Variants in PTGR1 observed in about 807,000 individuals in gnomAD.
PTGR1 encodes the protein 15-oxoprostaglandin 13-reductase.
PTGR1 carries 23 observed loss-of-function variants against 37.7 expected under a neutral mutation model. The observed-to-expected ratio is 0.61, with a 90% confidence interval of 0.44 to 0.86. The LOEUF is 0.86. PTGR1 is among the 40% of genes least tolerant of loss of function. The pLI is 0.00. For missense variants in PTGR1, 351 were observed against 394.3 expected (o/e 0.89, Z 0.93); for synonymous variants, 134 against 140.0 (o/e 0.96, Z 0.30).
chr9:111,555,961 A>C (rs117546821), intron 9 of PTGR1, among the ~76,000 whole-genome samples: 5,481 of 152,318 alleles, frequency 0.036, 167 homozygotes, highest in East Asian at 0.087. Flanking sequence ...TTAACTCAAA[A>C]GTCCAAGTCC....
At chr9:111,583,836 C>A (rs903070740) in intron 5 of PTGR1, among the ~76,000 whole-genome samples, 2 of 152,158 alleles carry the variant, frequency 1.3e-5, no homozygotes, top group African/African-American at 2.4e-5. Flanking sequence ...GTATCCTGTC[C>A]ATTCACAGGC....
intron 9 of PTGR1, 54 bp from the exon 10 acceptor site, chr9:111,563,285 T>C (rs919577950): frequency 1.5e-5 from 23 of 1,514,746 alleles, no homozygotes; most frequent in Non-Finnish European, 2.0e-5. Context: ...CTCAATGATA[T>C]ACTGTTCTCA....
downstream of PTGR1, among the ~76,000 whole-genome samples, chr9:111,559,437 C>T (rs187889015): frequency 2.7e-4 from 41 of 152,136 alleles, no homozygotes; most frequent in African/African-American, 8.7e-4. Flanking sequence ...CCTACCCACA[C>T]GGATGACTTC....
intron 8 of PTGR1, 114 bp from the exon 9 acceptor site, chr9:111,570,323 C>T: frequency 6.9e-7 from 1 of 1,444,208 alleles, no homozygotes; most frequent in East Asian, 2.5e-5. Flanking sequence ...TGGTGCTTCT[C>T]CCCTTCCATT....
At chr9:111,550,179 T>C (rs1281380739) in intron 9 of PTGR1, among the ~76,000 whole-genome samples, 1 of 152,222 alleles carries the variant, frequency 6.6e-6, no homozygotes, top group Non-Finnish European at 1.5e-5. Flanking sequence ...GCCTGCGTTT[T>C]TCCCTGGGCG....
intron 5 of PTGR1, 28 bp from the exon 6 acceptor site, chr9:111,583,617 AAT>A (rs750283133): frequency 6.6e-7 from 1 of 1,519,686 alleles, no homozygotes; most frequent in Non-Finnish European, 9.1e-7. Context: ...AGGATATATG[AAT>A]AGAGTTGTTT....
downstream of PTGR1, among the ~76,000 whole-genome samples, chr9:111,561,199 G>GCAC (rs1828311882): frequency 6.8e-6 from 1 of 146,432 alleles, no homozygotes; most frequent in African/African-American, 2.5e-5. Context: ...GATTCTTCCT[G>GCAC]TCCAAGAGTA....
chr9:111,562,864 C>G lies in PTGR1; in HGVS notation c.*257G>C. 1 of 1,055,052 alleles carries G rather than the reference C, an allele frequency of 9.5e-7. No individual in the cohort carries two copies. The highest frequency in any genetic ancestry group is 1.2e-6 in the Non-Finnish European group (1 of 821,004). The allele number at this position is 1,055,052 out of a possible 1,614,324, so 65.4% of individuals were successfully genotyped here. ...ACATACAGTGTTTGGAAAATTTTCA[C>G]ACTTCAAAGCCATTATTTTCTACCA... On this transcript the variant is annotated 3_prime_UTR_variant, in exon 10 of 10. Coordinates refer to ENST00000407693, the MANE Select transcript of PTGR1 (RefSeq NM_001146108.2).
At chr9:111,561,362 G>A (rs150530424), downstream of PTGR1, among the ~76,000 whole-genome samples, 89 of 152,016 alleles carry the variant, frequency 5.9e-4, no homozygotes, top group East Asian at 0.016. Context: ...TGCAACCTCA[G>A]ACTCCTGGTC....
At chr9:111,587,868 TCAAA>T (rs1402806619) in intron 4 of PTGR1, among the ~76,000 whole-genome samples, 2 of 152,208 alleles carry the variant, frequency 1.3e-5, no homozygotes, top group Non-Finnish European at 2.9e-5. Context: ...TAAGAATCCT[TCAAA>T]CAATGTAATG....
intron 8 of PTGR1, among the ~76,000 whole-genome samples, chr9:111,571,193 C>G (rs902341507): frequency 2.7e-5 from 4 of 149,660 alleles, no homozygotes; most frequent in Non-Finnish European, 4.5e-5. Flanking sequence ...AGGCAGATCA[C>G]TTGAAGTCAG....
chr9:111,576,659 A>G (rs1011318622), intron 7 of PTGR1: 4 of 463,012 alleles, frequency 8.6e-6, no homozygotes, highest in Non-Finnish European at 1.5e-5. Context: ...ATTATAGTCT[A>G]TGTGAGATAT....
chr9:111,584,511 G>A (rs1478222455), intron 5 of PTGR1, among the ~76,000 whole-genome samples: 1 of 152,190 alleles, frequency 6.6e-6, no homozygotes, highest in African/African-American at 2.4e-5. Context: ...CAAATTCTGA[G>A]TGAAATATGA....
chr9:111,594,112 C>G (rs1267612743), intron 3 of PTGR1, 110 bp downstream of exon 3: 2 of 1,162,792 alleles, frequency 1.7e-6, no homozygotes, highest in South Asian at 1.3e-5. Flanking sequence ...CTGGGAGAAA[C>G]AGAAGGAAAG....
intron 5 of PTGR1, among the ~76,000 whole-genome samples, chr9:111,585,532 C>T (rs1333941031): frequency 1.3e-5 from 2 of 152,186 alleles, no homozygotes; most frequent in Non-Finnish European, 2.9e-5. Flanking sequence ...AATGTTTATT[C>T]ATGCCGGGCA....
At chr9:111,556,087 C>T (rs528354127) in intron 9 of PTGR1, among the ~76,000 whole-genome samples, 1 of 152,386 alleles carries the variant, frequency 6.6e-6, no homozygotes, top group African/African-American at 2.4e-5. Context: ...TGGGTAAATG[C>T]TCCCATTCCA....
chr9:111,572,279 T>C (rs756546169), intron 8 of PTGR1, among the ~76,000 whole-genome samples: 2 of 152,206 alleles, frequency 1.3e-5, no homozygotes, highest in South Asian at 4.1e-4. Context: ...AGTTAGGGAT[T>C]GGAACTCTCA....
At chr9:111,556,527 T>C in intron 9 of PTGR1, among the ~76,000 whole-genome samples, 1 of 152,218 alleles carries the variant, frequency 6.6e-6, no homozygotes, top group Non-Finnish European at 1.5e-5. Flanking sequence ...TTTCCATACA[T>C]TCTCTGAAAT....
chr9:111,573,735 C>G (rs1442026355), intron 8 of PTGR1, among the ~76,000 whole-genome samples: 1 of 152,062 alleles, frequency 6.6e-6, no homozygotes, highest in Admixed American at 6.6e-5. Context: ...TTGGCCATTC[C>G]TCTCCACACC....
Sources: gnomAD v4.1 joint callset for allele counts (sites outside exome capture counted in the v4.1 genomes callset) on GRCh38, gnomAD v4.1.1 for gene constraint, MANE v1.5 for transcripts, NCBI Gene and HGNC (gene_info 2026-07-23, HGNC 2026-07-21) for gene names.